CA12: variants seen among roughly 807,000 people sequenced by gnomAD.
The protein encoded by CA12 is carbonic anhydrase 12.
CA12 carries 36 observed loss-of-function variants against 46.8 expected under a neutral mutation model. The observed-to-expected ratio is 0.77, with a 90% CI of 0.59 to 1.02. The LOEUF is 1.02. CA12 is among the 50% of genes least tolerant of loss of function. The probability of loss-of-function intolerance (pLI) is 0.00; values close to 1 mark genes in which losing one functional copy is unlikely to be tolerated. For synonymous variants in CA12, 202 were observed against 187.0 expected, an observed-to-expected ratio of 1.08 and a Z score of -0.65; for missense variants, 436 against 451.4, an observed-to-expected ratio of 0.97 and a Z score of 0.31.
intron 2 of CA12, among the ~76,000 whole-genome samples, chr15:63,370,869 C>A (rs1367761166): frequency 1.3e-5 from 2 of 152,146 alleles, no homozygotes; most frequent in African/African-American, 2.4e-5. Context: ...CTCAGGATGG[C>A]AGCTGGGAGT....
At position 63,324,869 on chromosome 15, in the gene CA12, G is replaced by A. The variant is rs1476580376; in HGVS notation, c.*1416C>T. 6.6e-6 allele frequency: 1 copy of A among 151,876 alleles called. No homozygotes were observed. The highest frequency in any genetic ancestry group is 1.5e-5 in the Non-Finnish European group (1 of 67,990). The allele number at this position is 151,876 out of a possible 1,614,324, so 9.4% of individuals were successfully genotyped here. A position where few individuals can be genotyped will look rare whatever the true frequency, so the allele number is the denominator to read the frequency against. The stretch of plus-strand genomic sequence containing the variant: ...ATATTTAAAAAGCTATGCTTCAAGA[G>A]GACATTTCATGCTGTCAAAATGAGA... On this transcript the variant is annotated 3_prime_UTR_variant, in exon 11 of 11. Coordinates refer to ENST00000178638, the MANE Select transcript of CA12 (RefSeq NM_001218.5).
chr15:63,371,856 T>G (rs999369349), intron 2 of CA12, among the ~76,000 whole-genome samples: 1 of 152,168 alleles, frequency 6.6e-6, no homozygotes, highest in African/African-American at 2.4e-5. Context: ...GTTTTGTTTT[T>G]GGGTTTTTTG....
At chr15:63,346,117 C>T (rs2039144067) in intron 3 of CA12, among the ~76,000 whole-genome samples, 1 of 152,196 alleles carries the variant, frequency 6.6e-6, no homozygotes, top group Non-Finnish European at 1.5e-5. Flanking sequence ...AAAATTCTCA[C>T]CTAGATTCTC....
chr15:63,338,644 G>C (rs1288858282), intron 8 of CA12, among the ~76,000 whole-genome samples, 175 bp downstream of exon 8: 1 of 152,166 alleles, frequency 6.6e-6, no homozygotes, highest in Non-Finnish European at 1.5e-5. Flanking sequence ...TCACTGAAGG[G>C]GGGACCCCAG....
rs1422656832 is a variant in CA12 at position 63,346,578 on chromosome 15, T to C, written c.238A>G (p.Asn80Asp). ...SLTPLEFQGY[N>D]LSANKQFLLT... Reference sequence around the variant, plus strand: ...AGAAACTGCTTGTTGGCAGACAGATTGTAGCCTTGGAACTCGAGGGGCGTG... The same window carrying C: ...AGAAACTGCTTGTTGGCAGACAGATCGTAGCCTTGGAACTCGAGGGGCGTG... The change falls in exon 3 of 11, where the codon AAT (asparagine) becomes GAT (aspartate). Residue 80 changes from asparagine to aspartate, a missense_variant. Transcript: ENST00000178638. 2 of 1,614,092 alleles carry C rather than the reference T, an allele frequency of 1.2e-6. No homozygotes were observed. The highest frequency in any genetic ancestry group is 1.7e-6 in the Non-Finnish European group (2 of 1,180,012).
At chr15:63,343,522 C>G (rs1165784291) in intron 4 of CA12, among the ~76,000 whole-genome samples, 1 of 151,968 alleles carries the variant, frequency 6.6e-6, no homozygotes, top group Non-Finnish European at 1.5e-5. Flanking sequence ...CTCCGGTGAT[C>G]CACCCGTCTC....
In CA12 at chr15:63,375,584, T is replaced by C. The variant is rs1595794624; in HGVS notation, c.106+74A>G. 3 of 985,612 alleles carry C rather than the reference T, an allele frequency of 3.0e-6. No individual in the cohort carries two copies. The East Asian group carries it at 7.7e-5, about 25-fold the overall frequency. The allele number at this position is 985,612 out of a possible 1,614,324, so 61.1% of individuals were successfully genotyped here. A position where few individuals can be genotyped will look rare whatever the true frequency, so the allele number is the denominator to read the frequency against. On this transcript the variant is annotated intron_variant, in intron 2 of 10. Transcript: ENST00000178638. ...AAAATCACCTCCACAGAGCATGAAG[T>C]TTCTGTTTTTCTCATTAAATACAAC...
At chr15:63,351,851 A>T (rs936571795) in intron 2 of CA12, among the ~76,000 whole-genome samples, 5 of 152,162 alleles carry the variant, frequency 3.3e-5, no homozygotes, top group Non-Finnish European at 5.9e-5. Flanking sequence ...CTTATTACAG[A>T]CTAGAGCTCA....
chr15:63,369,134 G>A (rs1163137883), intron 2 of CA12, among the ~76,000 whole-genome samples: 1 of 152,256 alleles, frequency 6.6e-6, no homozygotes, highest in East Asian at 1.9e-4. Context: ...CTTGGGACGA[G>A]AGCTTGCAGT....
At position 63,381,740 on chromosome 15, in the gene CA12, G is replaced by A. The variant is rs1338568324; in HGVS notation, c.-20C>T. On this transcript the variant is annotated 5_prime_UTR_variant, in exon 1 of 11. Coordinates refer to ENST00000178638, the MANE Select transcript of CA12 (RefSeq NM_001218.5). ...GGGCATCTTCGCGGGCTCCTGCGGG[G>A]CGGGCGCGGGCTGTGCCGGGGGCTC... 3 of 1,547,400 alleles carry A rather than the reference G, an allele frequency of 1.9e-6. No homozygotes were observed. The East Asian group carries it at 7.3e-5, about 38-fold the overall frequency.
At chr15:63,332,088 A>G (rs2038944884) in intron 8 of CA12, among the ~76,000 whole-genome samples, 1 of 152,208 alleles carries the variant, frequency 6.6e-6, no homozygotes, top group Non-Finnish European at 1.5e-5. Flanking sequence ...GAGAGTTTAG[A>G]TTTATCAGGG....
At position 63,359,222 on chromosome 15, in the gene CA12, A is replaced by T. The variant is rs74245418; in HGVS notation, c.107-12513T>A. Among the ~76,000 whole-genome samples the T allele has an allele frequency of 8.1e-4, 123 of 152,116 alleles. 2 individuals are homozygous for T. The East Asian group carries it at 0.021, about 26-fold the overall frequency. On this transcript the variant is annotated intron_variant, in intron 2 of 10. Coordinates refer to ENST00000178638, the MANE Select transcript of CA12 (RefSeq NM_001218.5). Reference sequence around the variant, plus strand: ...ATAATCCATGGGATCCTAAAACCAGATGTGGCTGGAAGGGGACTCAGGCTA... The same window carrying T: ...ATAATCCATGGGATCCTAAAACCAGTTGTGGCTGGAAGGGGACTCAGGCTA...
At chr15:63,361,363 T>A (rs148201149) in intron 2 of CA12, among the ~76,000 whole-genome samples, 2 of 152,354 alleles carry the variant, frequency 1.3e-5, no homozygotes, top group Non-Finnish European at 2.9e-5. Context: ...TTGCCCCACC[T>A]GTGATGTTAT....
Position 63,327,702 on chromosome 15 carries a change from T to C in CA12, c.907+396A>G, listed in dbSNP as rs562009630. ...CTGGATTTAAGGCCCATTGGCTGTC[T>C]CCATCAGTTTTGCCCCCAAGTTCCA... On this transcript the variant is annotated intron_variant, in intron 9 of 10. Transcript: ENST00000178638. The surrounding 1 kb of genome is among the most constrained non-coding windows in gnomAD (Gnocchi z 4.5). 6.6e-6 allele frequency among the ~76,000 whole-genome samples: 1 copy of C among 152,272 alleles called. No individual in the cohort carries two copies. Among genetic ancestry groups the C allele is most frequent in the South Asian group, 2.1e-4 (1 of 4,820 alleles).
intron 8 of CA12, among the ~76,000 whole-genome samples, chr15:63,332,628 C>T (rs1351630580): frequency 6.6e-6 from 1 of 152,220 alleles, no homozygotes; most frequent in Non-Finnish European, 1.5e-5. Context: ...TAGGCAACTT[C>T]CTCCCAGACC....
chr15:63,328,052 T>C lies in CA12; in HGVS notation c.907+46A>G. 1 of 1,587,834 alleles carries C rather than the reference T, an allele frequency of 6.3e-7. No homozygotes were observed. Among genetic ancestry groups the C allele is most frequent in the South Asian group, 1.1e-5 (1 of 90,514 alleles). The stretch of plus-strand genomic sequence containing the variant: ...GCTTGGATCACACCAAGAATCACAG[T>C]GATCACCCAGCTGCAGCATGCACGG... On this transcript the variant is annotated intron_variant, in intron 9 of 10. Coordinates refer to ENST00000178638, the MANE Select transcript of CA12 (RefSeq NM_001218.5). The surrounding 1 kb of genome is among the most constrained non-coding windows in gnomAD (Gnocchi z 5.9).
chr15:63,333,286 G>T (rs751630474), intron 8 of CA12, among the ~76,000 whole-genome samples: 1 of 152,266 alleles, frequency 6.6e-6, no homozygotes, highest in East Asian at 1.9e-4. Context: ...GGGTCCAGCC[G>T]TCTGCCCAGC....
chr15:63,345,704 C>T lies in CA12; in HGVS notation c.287-85G>A. On this transcript the variant is annotated intron_variant, in intron 3 of 10. Transcript: ENST00000178638. This position sits in a 1 kb window ranked among gnomAD's most constrained non-coding sequence, Gnocchi z 4.3. ...AGTCAGGTAGGCAATGCTCCCTCCA[C>T]CCCTGCTGCCACCCCCTGGAGCCCA... 2 of 1,505,992 alleles carry T rather than the reference C, an allele frequency of 1.3e-6. No homozygotes were observed. The highest frequency in any genetic ancestry group is 1.8e-6 in the Non-Finnish European group (2 of 1,116,588). 93.3% of individuals were successfully genotyped at this position (1,505,992 alleles called of 1,614,324 possible). A position where few individuals can be genotyped will look rare whatever the true frequency, so the allele number is the denominator to read the frequency against.
At chr15:63,352,678 C>T (rs1163637917) in intron 2 of CA12, among the ~76,000 whole-genome samples, 1 of 152,108 alleles carries the variant, frequency 6.6e-6, no homozygotes, top group East Asian at 1.9e-4. Flanking sequence ...TCAAAACTTG[C>T]CCCAAAGGAT....
Sources: gnomAD v4.1 joint callset for allele counts (sites outside exome capture counted in the v4.1 genomes callset) on GRCh38, gnomAD v4.1.1 for gene constraint, Gnocchi (gnomAD v3.1) non-coding constraint, MANE v1.5 for transcripts, NCBI Gene and HGNC (gene_info 2026-07-23, HGNC 2026-07-21) for gene names.